The following TRDN variants were observed in gnomAD, a reference collection of about 807,000 sequenced individuals.
TRDN encodes the protein triadin in skeletal muscle.
TRDN carries 161 observed loss-of-function variants against 149.7 expected under a neutral mutation model. The ratio of observed to expected loss-of-function variants is 1.08; its 90% CI spans 0.95 to 1.23. The LOEUF (loss-of-function observed/expected upper bound fraction) is 1.23. TRDN is among the 50% of genes most tolerant of loss of function. The pLI, the probability that TRDN is intolerant of heterozygous loss-of-function variation, is 0.00. For synonymous variants in TRDN, 294 were observed against 250.5 expected (o/e 1.17, Z -1.64); for missense variants, 896 against 823.5 (o/e 1.09, Z -1.08).
At chr6:123,260,763 T>C (rs1007411626) in intron 33 of TRDN, 125 bp from the exon 34 acceptor site, 26 of 752,282 alleles carry the variant, frequency 3.5e-5, no homozygotes, top group Non-Finnish European at 5.1e-5. Flanking sequence ...TAAATTACAA[T>C]AGGCACACAT....
At chr6:123,602,174 TAACC>T (rs1784311411) in intron 1 of TRDN, among the ~76,000 whole-genome samples, 2 of 152,104 alleles carry the variant, frequency 1.3e-5, no homozygotes, top group Admixed American at 1.3e-4. Context: ...TAAAAATATA[TAACC>T]AACCTAAATG....
intron 1 of TRDN, among the ~76,000 whole-genome samples, chr6:123,630,883 T>C (rs1487843750): frequency 6.6e-6 from 1 of 151,976 alleles, no homozygotes; most frequent in Admixed American, 6.6e-5. Context: ...TCTGGCCATA[T>C]TATTTTTAAT....
chr6:123,525,128 A>G (rs1440092210), intron 5 of TRDN, among the ~76,000 whole-genome samples: 1 of 152,122 alleles, frequency 6.6e-6, no homozygotes, highest in Admixed American at 6.6e-5. Context: ...TTCGACCTCT[A>G]TGGAAAACAG....
At chr6:123,298,727 TTC>T (rs1778298753) in intron 24 of TRDN, among the ~76,000 whole-genome samples, 2 of 152,050 alleles carry the variant, frequency 1.3e-5, no homozygotes, top group Admixed American at 1.3e-4. Flanking sequence ...CTGCTAACAA[TTC>T]ATCAAAATAC....
chr6:123,381,887 G>A (rs1472535394), intron 15 of TRDN, among the ~76,000 whole-genome samples: 1 of 150,994 alleles, frequency 6.6e-6, no homozygotes, highest in Non-Finnish European at 1.5e-5. Context: ...TACTGTGAAA[G>A]GATATGCAGT....
At chr6:123,632,556 T>C (rs999518480) in intron 1 of TRDN, among the ~76,000 whole-genome samples, 2 of 152,092 alleles carry the variant, frequency 1.3e-5, no homozygotes, top group Non-Finnish European at 2.9e-5. Flanking sequence ...CTCTTTTGAA[T>C]AGGCTAGCTT....
chr6:123,400,167 GTATATA>G (rs374126829), intron 12 of TRDN, among the ~76,000 whole-genome samples: 14 of 123,380 alleles, frequency 1.1e-4, no homozygotes, highest in South Asian at 2.6e-4. Flanking sequence ...ATATGTATGT[GTATATA>G]TATATATATA....
At chr6:123,301,862 T>A (rs73771920) in intron 24 of TRDN, among the ~76,000 whole-genome samples, 37 of 147,396 alleles carry the variant, frequency 2.5e-4, no homozygotes, top group African/African-American at 7.9e-4. Context: ...AACTGCCAAC[T>A]CATAAATGAA....
intron 9 of TRDN, 96 bp from the exon 10 acceptor site, chr6:123,465,079 T>A: frequency 7.8e-7 from 1 of 1,281,734 alleles, no homozygotes; most frequent in Non-Finnish European, 1.1e-6. Flanking sequence ...CATGCATAAT[T>A]CATAATACCA....
chr6:123,337,652 A>G lies in TRDN; in HGVS notation c.1387T>C (p.Ser463Pro). ...TVEQEIRKEK[S>P]GKTSSILKDK... ...TTCAGAATTGAAGAAGTCTTCCCAG[A>G]TTTTTCTTTTCTAATTTCTGCAAGA... The change falls in exon 22 of 41, where the codon TCT becomes CCT. Residue 463 changes from serine (S) to proline (P), a missense_variant. By Grantham distance (74) the Ser-to-Pro change is moderately conservative (BLOSUM62 -1). Transcript: ENST00000334268. The G allele has an allele frequency of 6.9e-7, 1 of 1,456,078 alleles. No individual in the cohort carries two copies. The allele number at this position is 1,456,078 out of a possible 1,614,324, so 90.2% of individuals were successfully genotyped here.
chr6:123,451,454 T>C (rs774170998), intron 10 of TRDN, among the ~76,000 whole-genome samples: 9 of 152,000 alleles, frequency 5.9e-5, no homozygotes, highest in Non-Finnish European at 8.8e-5. Context: ...AAAAGATCAC[T>C]CAAGGCTATT....
At chr6:123,579,113 T>G (rs146236714) in intron 1 of TRDN, among the ~76,000 whole-genome samples, 1 of 152,288 alleles carries the variant, frequency 6.6e-6, no homozygotes, top group African/African-American at 2.4e-5. Flanking sequence ...AGTTTGACTT[T>G]CTATCTTCCT....
chr6:123,295,381 T>C (rs371462116), intron 24 of TRDN, among the ~76,000 whole-genome samples: 2 of 152,314 alleles, frequency 1.3e-5, no homozygotes, highest in Non-Finnish European at 1.5e-5. Context: ...AGAGCTGTAA[T>C]GCTGCCTCTT....
At chr6:123,277,861 T>C (rs1777429637) in intron 26 of TRDN, among the ~76,000 whole-genome samples, 1 of 152,246 alleles carries the variant, frequency 6.6e-6, no homozygotes, top group Middle Eastern at 3.4e-3. Context: ...ACAACAATAA[T>C]ACAATTATGA....
intron 12 of TRDN, among the ~76,000 whole-genome samples, chr6:123,405,847 T>C (rs1267224143): frequency 1.3e-5 from 2 of 152,176 alleles, no homozygotes. Flanking sequence ...CTTCAAGTAC[T>C]ACAAGCAGAG....
chr6:123,502,907 C>G, intron 8 of TRDN: 9 of 985,232 alleles, frequency 9.1e-6, no homozygotes, highest in Non-Finnish European at 1.1e-5. Context: ...CAGGAATGGA[C>G]TTAGGAAAAG....
intron 10 of TRDN, among the ~76,000 whole-genome samples, chr6:123,459,103 A>G (rs1776303234): frequency 6.6e-6 from 1 of 152,216 alleles, no homozygotes; most frequent in African/African-American, 2.4e-5. Flanking sequence ...TGACTTCAAT[A>G]TCTATATCTC....
intron 12 of TRDN, among the ~76,000 whole-genome samples, chr6:123,432,323 T>C (rs1774368445): frequency 6.6e-6 from 1 of 152,130 alleles, no homozygotes; most frequent in East Asian, 1.9e-4. Context: ...AATCATATAT[T>C]GTATATCTTA....
intron 2 of TRDN, among the ~76,000 whole-genome samples, chr6:123,559,372 G>T (rs994408139): frequency 6.6e-6 from 1 of 151,978 alleles, no homozygotes; most frequent in East Asian, 1.9e-4. Flanking sequence ...ATCCCCACCT[G>T]CCCAGTTCCC....
Sources: gnomAD v4.1 joint callset for allele counts (sites outside exome capture counted in the v4.1 genomes callset) on GRCh38, gnomAD v4.1.1 for gene constraint, MANE v1.5 for transcripts, NCBI Gene and HGNC (gene_info 2026-07-23, HGNC 2026-07-21) for gene names.